The following MRC1 variants were observed in gnomAD, a reference collection of about 807,000 sequenced individuals.
The protein encoded by MRC1 is mannose receptor C-type 1.
MRC1 carries 62 observed loss-of-function variants against 102.9 expected under a neutral mutation model. The ratio of observed to expected loss-of-function variants is 0.60; its 90% CI spans 0.49 to 0.74. The LOEUF (loss-of-function observed/expected upper bound fraction) is 0.74, where lower values mean the gene tolerates loss of function less well. Ranked by LOEUF, MRC1 falls within the 30% of genes least tolerant of loss-of-function variation. The pLI is 0.00. For missense variants in MRC1, 1,237 were observed against 862.8 expected, an observed-to-expected ratio of 1.43 and a Z score of -5.43; for synonymous variants, 457 against 298.4, an observed-to-expected ratio of 1.53 and a Z score of -5.48.
Position 17,844,261 on chromosome 10 carries a change from C to G in MRC1, c.917-1028C>G, listed in dbSNP as rs187564164. Among the ~76,000 whole-genome samples, 1,292 of 152,142 alleles carry G rather than the reference C, an allele frequency of 8.5e-3. 25 individuals are homozygous for G. The highest frequency in any genetic ancestry group is 0.03 in the African/African-American group (1,239 of 41,500). On this transcript the variant is annotated intron_variant, in intron 5 of 29. Transcript: ENST00000569591. ...TGAGACAGAGTCTCACTCTGTCACC[C>G]CGGCTGGAGTGCAGTGGTGTGATCT...
At chr10:17,891,816 A>T (rs1833680680) in intron 22 of MRC1, among the ~76,000 whole-genome samples, 1 of 152,140 alleles carries the variant, frequency 6.6e-6, no homozygotes. Flanking sequence ...AAATAATGTC[A>T]GAGAGGCACA....
chr10:17,818,604 T>A (rs1838347948), intron 1 of MRC1, among the ~76,000 whole-genome samples: 1 of 151,878 alleles, frequency 6.6e-6, no homozygotes. Context: ...AGGTCAGGAG[T>A]TCGAGACCAG....
At chr10:17,869,799 A>T (rs1833329008) in intron 12 of MRC1, among the ~76,000 whole-genome samples, 1 of 152,234 alleles carries the variant, frequency 6.6e-6, no homozygotes, top group Non-Finnish European at 1.5e-5. Flanking sequence ...TTTAAGCTGA[A>T]CACACTAACA....
At chr10:17,825,690 C>T (rs1203561952) in intron 2 of MRC1, among the ~76,000 whole-genome samples, 11 of 152,138 alleles carry the variant, frequency 7.2e-5, no homozygotes, top group Non-Finnish European at 1.6e-4. Context: ...GCCATCATTG[C>T]GCCACCTACT....
intron 13 of MRC1, among the ~76,000 whole-genome samples, chr10:17,870,642 G>A (rs1049302418): frequency 2.4e-4 from 36 of 152,114 alleles, no homozygotes; most frequent in Non-Finnish European, 4.3e-4. Context: ...TTTACTCTCA[G>A]GCAGTGGTCT....
chr10:17,866,200 T>C (rs965738572), intron 11 of MRC1, among the ~76,000 whole-genome samples: 5 of 150,684 alleles, frequency 3.3e-5, no homozygotes, highest in African/African-American at 1.2e-4. Context: ...AAAACCTACG[T>C]AGACCTTAGT....
At chr10:17,809,808 G>T (rs1336584899) in intron 1 of MRC1, among the ~76,000 whole-genome samples, 13 of 152,084 alleles carry the variant, frequency 8.5e-5, no homozygotes, top group Non-Finnish European at 1.8e-4. Context: ...CTCATCGCTC[G>T]TTGTTCCTTC....
At chr10:17,891,103 T>A (rs1833666265) in intron 22 of MRC1, among the ~76,000 whole-genome samples, 1 of 151,712 alleles carries the variant, frequency 6.6e-6, no homozygotes. Context: ...TCCCACTGAT[T>A]CTGCGTGATG....
intron 4 of MRC1, among the ~76,000 whole-genome samples, chr10:17,837,001 T>C (rs1244116353): frequency 6.6e-6 from 1 of 152,178 alleles, no homozygotes; most frequent in Non-Finnish European, 1.5e-5. Flanking sequence ...GGTTACTTTG[T>C]GCGCTCTCCA....
At chr10:17,867,171 C>T in intron 12 of MRC1, among the ~76,000 whole-genome samples, 1 of 145,940 alleles carries the variant, frequency 6.9e-6, no homozygotes. Flanking sequence ...TCCTTCCTTC[C>T]TCCTTTCCAT....
At chr10:17,819,453 ATGTGTGTGTGTGTGTGTG>A (rs59778334) in intron 1 of MRC1, among the ~76,000 whole-genome samples, 2,059 of 145,772 alleles carry the variant, frequency 0.014, 45 homozygotes, top group African/African-American at 0.05. Context: ...TCAGAGTTGT[ATGTGTGTGTGTGTGTGTG>A]TGTGTGTGTG....
At chr10:17,813,938 A>G (rs1476288981) in intron 1 of MRC1, among the ~76,000 whole-genome samples, 1 of 151,864 alleles carries the variant, frequency 6.6e-6, no homozygotes, top group Non-Finnish European at 1.5e-5. Flanking sequence ...GGCTCAAGTG[A>G]TTTGCTCACC....
chr10:17,812,144 C>T (rs1243657283), intron 1 of MRC1, among the ~76,000 whole-genome samples: 1 of 152,204 alleles, frequency 6.6e-6, no homozygotes. Flanking sequence ...TCTCTGTGGG[C>T]TGCTGCCAAC....
chr10:17,829,358 A>G (rs2130604326), intron 3 of MRC1, among the ~76,000 whole-genome samples: 1 of 151,544 alleles, frequency 6.6e-6, no homozygotes, highest in South Asian at 2.1e-4. Flanking sequence ...ATCACACTAA[A>G]AGTAAATTTA....
chr10:17,870,558 A>G (rs2130675699), intron 13 of MRC1, among the ~76,000 whole-genome samples, 185 bp downstream of exon 13: 1 of 152,284 alleles, frequency 6.6e-6, no homozygotes, highest in Admixed American at 6.5e-5. Flanking sequence ...TTATAAGTGT[A>G]AATTCTGCTA....
At chr10:17,844,078 G>A (rs1838789735) in intron 5 of MRC1, among the ~76,000 whole-genome samples, 1 of 152,258 alleles carries the variant, frequency 6.6e-6, no homozygotes, top group Admixed American at 6.5e-5. Context: ...TCTTTAATCA[G>A]TTTCCACTAA....
At chr10:17,838,405 C>G (rs995489176) in intron 4 of MRC1, among the ~76,000 whole-genome samples, 26 of 152,214 alleles carry the variant, frequency 1.7e-4, no homozygotes, top group African/African-American at 6.0e-4. Flanking sequence ...TATGGAGTCT[C>G]TGAGTCCTGA....
intron 17 of MRC1, 96 bp downstream of exon 17, chr10:17,875,349 A>G: frequency 1.3e-6 from 1 of 749,918 alleles, no homozygotes; most frequent in Admixed American, 1.8e-5. Flanking sequence ...GATTTCTGAG[A>G]TTTTGGTACA....
intron 21 of MRC1, among the ~76,000 whole-genome samples, chr10:17,883,867 T>G (rs1184804923): frequency 6.6e-6 from 1 of 152,224 alleles, no homozygotes; most frequent in Non-Finnish European, 1.5e-5. Context: ...CAATTCAACC[T>G]TTTATGTCTC....
Sources: gnomAD v4.1 joint callset for allele counts (sites outside exome capture counted in the v4.1 genomes callset) on GRCh38, gnomAD v4.1.1 for gene constraint, MANE v1.5 for transcripts, NCBI Gene and HGNC (gene_info 2026-07-23, HGNC 2026-07-21) for gene names.